ZMYND8: variants seen among roughly 807,000 people sequenced by gnomAD.
ZMYND8 encodes the protein MYND-type zinc finger-containing chromatin reader ZMYND8.
In ZMYND8, 37 loss-of-function variants were observed where a neutral mutation model predicts 140.8. That is an observed-to-expected ratio of 0.26 (90% CI 0.20 to 0.35). The LOEUF (loss-of-function observed/expected upper bound fraction) is 0.35. Ranked by LOEUF, ZMYND8 falls within the 10% of genes least tolerant of loss-of-function variation. ZMYND8 has a pLI of 1.00. For synonymous variants in ZMYND8, 592 were observed against 597.1 expected (o/e 0.99, Z 0.12); for missense variants, 1,068 against 1,570.0 (o/e 0.68, Z 5.40).
At chr20:47,356,464 A>C in intron 1 of ZMYND8, 193 bp downstream of exon 1, 1 of 1,561,686 alleles carries the variant, frequency 6.4e-7, no homozygotes, top group Non-Finnish European at 8.6e-7. Context: ...TTGCAAAATC[A>C]AGCTATGGCT....
intron 3 of ZMYND8, 107 bp downstream of exon 3, chr20:47,309,949 G>C: frequency 6.8e-7 from 1 of 1,471,090 alleles, no homozygotes. Flanking sequence ...GCGCAAGGCA[G>C]CTAACTAAAT....
rs950459596 is a variant in ZMYND8, at chr20:47,306,665, G to A, written c.234+3391C>T. Among the ~76,000 whole-genome samples, 3 of 151,218 alleles carry A rather than the reference G, an allele frequency of 2.0e-5. No homozygotes were observed. The East Asian group carries it at 5.9e-4, about 30-fold the overall frequency. On this transcript the variant is annotated intron_variant, in intron 3 of 22. Coordinates refer to ENST00000471951, the MANE Select transcript of ZMYND8 (RefSeq NM_001281775.3). ...AGCTCACTGCAACCGCTGCCTCCCG[G>A]GTTCAAGAGAGTCTCTTGCCTCAAC... is the stretch of plus-strand genomic sequence containing the variant.
At chr20:47,286,177 A>ATTTT (rs35537741) in intron 8 of ZMYND8, among the ~76,000 whole-genome samples, 1 of 146,444 alleles carries the variant, frequency 6.8e-6, no homozygotes, top group Non-Finnish European at 1.5e-5. Flanking sequence ...ATAAGGATAG[A>ATTTT]TTTTTTTTTT....
chr20:47,231,540 A>T (rs2038484925), intron 16 of ZMYND8, among the ~76,000 whole-genome samples: 1 of 152,220 alleles, frequency 6.6e-6, no homozygotes, highest in Non-Finnish European at 1.5e-5. Flanking sequence ...CTTATTTTTA[A>T]AGAAAAAGAA....
intron 16 of ZMYND8, among the ~76,000 whole-genome samples, chr20:47,231,568 A>C (rs1014328662): frequency 6.6e-6 from 1 of 152,350 alleles, no homozygotes; most frequent in South Asian, 2.1e-4. Context: ...TAAGTATGCA[A>C]TTGCGTAATT....
chr20:47,323,044 CTCAG>C (rs1264662695), intron 2 of ZMYND8, among the ~76,000 whole-genome samples: 1 of 152,170 alleles, frequency 6.6e-6, no homozygotes, highest in Non-Finnish European at 1.5e-5. Context: ...CTCTCTGTGA[CTCAG>C]TCATTCAGTT....
At chr20:47,349,843 G>A in intron 1 of ZMYND8, 2 of 1,515,546 alleles carry the variant, frequency 1.3e-6, no homozygotes, top group East Asian at 2.5e-5. Context: ...ATGCAGAACT[G>A]AGCCAAAAAA....
intron 1 of ZMYND8, chr20:47,350,045 T>C: frequency 6.9e-7 from 1 of 1,442,376 alleles, no homozygotes; most frequent in South Asian, 1.4e-5. Context: ...TTCTGAGTTT[T>C]AAGATAATCA....
intron 16 of ZMYND8, among the ~76,000 whole-genome samples, chr20:47,230,076 C>A (rs2038253161): frequency 6.6e-6 from 1 of 152,160 alleles, no homozygotes; most frequent in Non-Finnish European, 1.5e-5. Flanking sequence ...ACACAAAAAA[C>A]AATGACCTAC....
chr20:47,237,985 G>C (rs1237388361), intron 15 of ZMYND8: 3 of 152,202 alleles, frequency 2.0e-5, no homozygotes, highest in African/African-American at 7.2e-5. Context: ...TGTGTGTGAC[G>C]AATCTCCAGT....
chr20:47,254,393 A>T (rs1402864096), intron 12 of ZMYND8, among the ~76,000 whole-genome samples: 1 of 152,196 alleles, frequency 6.6e-6, no homozygotes, highest in Non-Finnish European at 1.5e-5. Context: ...TTACCCTCCC[A>T]CGTGGGCAAA....
intron 10 of ZMYND8, among the ~76,000 whole-genome samples, chr20:47,279,637 T>C (rs1569081398): frequency 3.9e-5 from 6 of 152,158 alleles, no homozygotes; most frequent in African/African-American, 1.4e-4. Context: ...CCTAGCTATG[T>C]GACCCTAGGC....
intron 11 of ZMYND8, among the ~76,000 whole-genome samples, chr20:47,269,658 G>A (rs1467624126): frequency 1.3e-5 from 2 of 152,220 alleles, no homozygotes; most frequent in Non-Finnish European, 2.9e-5. Context: ...TCTGACTACA[G>A]TAGGAAACAT....
At chr20:47,315,197 G>C (rs2079280401) in intron 2 of ZMYND8, among the ~76,000 whole-genome samples, 1 of 152,178 alleles carries the variant, frequency 6.6e-6, no homozygotes, top group Admixed American at 6.6e-5. Context: ...AGGAAACAAA[G>C]GGGGAAACTG....
chr20:47,280,129 A>C (rs1446987315), intron 10 of ZMYND8, among the ~76,000 whole-genome samples: 2 of 141,102 alleles, frequency 1.4e-5, no homozygotes. Flanking sequence ...TGCTCCAAAA[A>C]AAAAAAAAAA....
intron 2 of ZMYND8, among the ~76,000 whole-genome samples, chr20:47,337,380 C>A (rs1289131154): frequency 6.6e-6 from 1 of 151,250 alleles, no homozygotes; most frequent in Non-Finnish European, 1.5e-5. Context: ...TAAAATAAAT[C>A]AAAGGGCCGG....
intron 1 of ZMYND8, 36 bp from the exon 2 acceptor site, chr20:47,347,962 G>C (rs1175747604): frequency 2.5e-6 from 4 of 1,607,958 alleles, no homozygotes; most frequent in Non-Finnish European, 3.4e-6. Flanking sequence ...GTTTAGGAAG[G>C]CTGAGAACTT....
At position 47,210,281 on chromosome 20, in the gene ZMYND8, A is replaced by G. The variant is rs760674829; in HGVS notation, c.*480T>C. On this transcript the variant is annotated 3_prime_UTR_variant, in exon 23 of 23. Coordinates refer to ENST00000471951, the MANE Select transcript of ZMYND8 (RefSeq NM_001281775.3). ...GAAAACGGTTCGCCCTCCCCTGGGT[A>G]TCCAAGGATGAGGACGTGAGTATGA... The G allele has an allele frequency of 6.3e-6, 1 of 157,650 alleles. No homozygotes were observed. Among genetic ancestry groups the G allele is most frequent in the Non-Finnish European group, 1.4e-5 (1 of 71,312 alleles). The allele number at this position is 157,650 out of a possible 1,614,324, so 9.8% of individuals were successfully genotyped here. A position where few individuals can be genotyped will look rare whatever the true frequency, so the allele number is the denominator to read the frequency against.
At chr20:47,310,847 C>G (rs1400355472) in intron 2 of ZMYND8, among the ~76,000 whole-genome samples, 2 of 150,752 alleles carry the variant, frequency 1.3e-5, no homozygotes, top group South Asian at 2.1e-4. Flanking sequence ...CCAGATACAG[C>G]TGAGTAACAG....
Sources: gnomAD v4.1 joint callset for allele counts (sites outside exome capture counted in the v4.1 genomes callset) on GRCh38, gnomAD v4.1.1 for gene constraint, MANE v1.5 for transcripts, NCBI Gene and HGNC (gene_info 2026-07-23, HGNC 2026-07-21) for gene names.